IQUB: variants seen among roughly 807,000 people sequenced by gnomAD.
The protein encoded by IQUB is IQ motif and ubiquitin domain containing, also known as IQ motif and ubiquitin-like domain-containing protein.
IQUB carries 86 observed loss-of-function variants against 86.4 expected under a neutral mutation model. The ratio of observed to expected loss-of-function variants is 1.00; its 90% CI spans 0.84 to 1.19. IQUB has a LOEUF of 1.19. Among genes scored for constraint, IQUB ranks in the 50% most tolerant of loss-of-function variants. The pLI, the probability that IQUB is intolerant of heterozygous loss-of-function variation, is 0.00. For missense variants in IQUB, 946 were observed against 916.9 expected (o/e 1.03, Z -0.41); for synonymous variants, 289 against 304.5 (o/e 0.95, Z 0.53).
intron 12 of IQUB, among the ~76,000 whole-genome samples, chr7:123,454,059 A>C (rs894442909): frequency 6.6e-6 from 1 of 152,116 alleles, no homozygotes; most frequent in Non-Finnish European, 1.5e-5. Flanking sequence ...GTCCTGGGTG[A>C]AAGGACCAAA....
chr7:123,455,657 C>G (rs1400844989), intron 12 of IQUB, among the ~76,000 whole-genome samples: 1 of 152,040 alleles, frequency 6.6e-6, no homozygotes, highest in African/African-American at 2.4e-5. Flanking sequence ...CCAATTTCTC[C>G]CAGCTCATGA....
At chr7:123,515,811 C>T (rs1025837986) in intron 1 of IQUB, among the ~76,000 whole-genome samples, 33 of 152,124 alleles carry the variant, frequency 2.2e-4, no homozygotes, top group African/African-American at 7.0e-4. Flanking sequence ...ATGGATGAAA[C>T]TCAAATTATG....
chr7:123,524,929 A>G (rs1399993610), intron 1 of IQUB, among the ~76,000 whole-genome samples: 3 of 151,762 alleles, frequency 2.0e-5, no homozygotes, highest in South Asian at 2.1e-4. Context: ...GAATTTTGTC[A>G]AAGGCCTTTT....
At chr7:123,496,229 T>C (rs1310244063) in intron 7 of IQUB, among the ~76,000 whole-genome samples, 1 of 152,096 alleles carries the variant, frequency 6.6e-6, no homozygotes, top group Admixed American at 6.6e-5. Flanking sequence ...AAAGTCAAGG[T>C]GTAGAGAATA....
At chr7:123,484,751 C>T (rs917844450) in intron 7 of IQUB, among the ~76,000 whole-genome samples, 2 of 151,950 alleles carry the variant, frequency 1.3e-5, no homozygotes, top group Non-Finnish European at 2.9e-5. Context: ...TCTCCATTTT[C>T]GTTAGATTGT....
chr7:123,469,162 T>A, intron 9 of IQUB, 52 bp downstream of exon 9: 1 of 1,223,818 alleles, frequency 8.2e-7, no homozygotes, highest in South Asian at 2.5e-5. Context: ...TTCATTAATT[T>A]TTTTTTATTG....
At chr7:123,531,181 TTA>T (rs1797522041) in intron 1 of IQUB, among the ~76,000 whole-genome samples, 1 of 152,134 alleles carries the variant, frequency 6.6e-6, no homozygotes, top group African/African-American at 2.4e-5. Context: ...CACTGTGGCA[TTA>T]TATATATAAA....
At chr7:123,515,209 A>T (rs180677411) in intron 1 of IQUB, among the ~76,000 whole-genome samples, 93 of 152,312 alleles carry the variant, frequency 6.1e-4, no homozygotes, top group African/African-American at 2.1e-3. Flanking sequence ...ATATCATAAC[A>T]AAGCCCTACC....
At chr7:123,525,562 T>C (rs571180413) in intron 1 of IQUB, among the ~76,000 whole-genome samples, 2 of 152,314 alleles carry the variant, frequency 1.3e-5, no homozygotes, top group South Asian at 4.1e-4. Flanking sequence ...CTTTATCATT[T>C]TTTATTGCGT....
chr7:123,497,511 A>C (rs1795755567), intron 6 of IQUB, among the ~76,000 whole-genome samples: 1 of 152,148 alleles, frequency 6.6e-6, no homozygotes, highest in Non-Finnish European at 1.5e-5. Flanking sequence ...ACTTGTATGA[A>C]ACATGAATAT....
In IQUB at chr7:123,452,804, C is replaced by T; in HGVS notation, c.2315G>A (p.Arg772Lys). 1 of 1,613,654 alleles carries T rather than the reference C, an allele frequency of 6.2e-7. No homozygotes were observed. Among genetic ancestry groups the T allele is most frequent in the Non-Finnish European group, 8.5e-7 (1 of 1,179,704 alleles). The change falls in exon 13 of 13, where the codon AGA (arginine) becomes AAA (lysine). Residue 772 changes from arginine to lysine, a missense_variant. Coordinates refer to ENST00000324698, the MANE Select transcript of IQUB (RefSeq NM_178827.5). The stretch of plus-strand genomic sequence containing the variant: ...TGTTGTGTCTGAGTGATACTTCCAT[C>T]TGATCTCATCAATTTCACCATCATC... The part of the protein sequence containing the change: ...ILDDGEIDEI[R>K]WKYHSDTTPK...
intron 8 of IQUB, among the ~76,000 whole-genome samples, chr7:123,473,343 T>C (rs13224441): frequency 0.023 from 3,494 of 152,258 alleles, 44 homozygotes; most frequent in Non-Finnish European, 0.033. Flanking sequence ...CTAACATGGA[T>C]TGCAGTTCTT....
chr7:123,496,149 C>A (rs1795698360), intron 7 of IQUB, among the ~76,000 whole-genome samples: 1 of 152,172 alleles, frequency 6.6e-6, no homozygotes, highest in Middle Eastern at 3.4e-3. Flanking sequence ...GAGTGCCTGG[C>A]TTGTTCAAAT....
chr7:123,522,053 C>T (rs1160722879), intron 1 of IQUB, among the ~76,000 whole-genome samples: 3 of 152,104 alleles, frequency 2.0e-5, no homozygotes, highest in Non-Finnish European at 2.9e-5. Flanking sequence ...AGTGTCCCTA[C>T]ATGTTCCTGT....
chr7:123,514,984 C>G (rs1796577665), intron 1 of IQUB, among the ~76,000 whole-genome samples: 1 of 151,886 alleles, frequency 6.6e-6, no homozygotes, highest in Admixed American at 6.6e-5. Flanking sequence ...AAAACAGAAA[C>G]ATAGTTTTTA....
intron 1 of IQUB, among the ~76,000 whole-genome samples, chr7:123,524,898 T>C (rs1051360325): frequency 7.3e-4 from 110 of 151,536 alleles, no homozygotes; most frequent in Non-Finnish European, 1.0e-3. Flanking sequence ...TTATTGAGAG[T>C]TTTTAGCATG....
rs529346528 is a variant in IQUB at position 123,518,503 on chromosome 7, C to T, written c.-4-6159G>A. Among the ~76,000 whole-genome samples the T allele has an allele frequency of 3.3e-5, 5 of 152,264 alleles. No individual in the cohort carries two copies. In the East Asian group the frequency reaches 9.6e-4, roughly 29 times the overall value. Reference sequence around the variant, plus strand: ...AATGATCTAGCCCCTGCCTCTCTGACCTCATCTTCTAAACAACCCCACCTT... The same window carrying T: ...AATGATCTAGCCCCTGCCTCTCTGATCTCATCTTCTAAACAACCCCACCTT... On this transcript the variant is annotated intron_variant, in intron 1 of 12. Transcript: ENST00000324698.
rs72054596 is a variant in IQUB at position 123,453,263 on chromosome 7, A to AATAT, written c.2194-342_2194-339dup. Among the ~76,000 whole-genome samples, 387 of 138,182 alleles carry AATAT rather than the reference A, an allele frequency of 2.8e-3. 2 individuals are homozygous for AATAT. Among genetic ancestry groups the AATAT allele is most frequent in the African/African-American group, 4.7e-3 (181 of 38,142 alleles). 90.7% of individuals were successfully genotyped at this position (138,182 alleles called of 152,430 possible). On this transcript the variant is annotated intron_variant, in intron 12 of 12. Transcript: ENST00000324698. ...ATTCTAACTGGGGGTATCTAGTTAG[A>AATAT]ATATATATATATATATATATATTAT... is the stretch of plus-strand genomic sequence containing the variant.
At chr7:123,459,311 C>A (rs756526168) in intron 11 of IQUB, among the ~76,000 whole-genome samples, 1 of 151,808 alleles carries the variant, frequency 6.6e-6, no homozygotes, top group Non-Finnish European at 1.5e-5. Flanking sequence ...TTTGGTCAAA[C>A]GGTATTCTGG....
Sources: gnomAD v4.1 joint callset for allele counts (sites outside exome capture counted in the v4.1 genomes callset) on GRCh38, gnomAD v4.1.1 for gene constraint, MANE v1.5 for transcripts, NCBI Gene and HGNC (gene_info 2026-07-23, HGNC 2026-07-21) for gene names.